Variants in ADAMTSL3 observed in about 807,000 individuals in gnomAD.
The protein encoded by ADAMTSL3 is ADAMTS-like protein 3.
In ADAMTSL3, 128 loss-of-function variants were observed where a neutral mutation model predicts 201.7. That is an observed-to-expected ratio of 0.63 (90% CI 0.55 to 0.73). The LOEUF is 0.73. ADAMTSL3 is among the 30% of genes least tolerant of loss of function. The probability of loss-of-function intolerance (pLI) is 0.00; values close to 1 mark genes in which losing one functional copy is unlikely to be tolerated. For missense variants in ADAMTSL3, 1,990 were observed against 2,119.6 expected (o/e 0.94, Z 1.20); for synonymous variants, 738 against 748.4 (o/e 0.99, Z 0.23).
intron 9 of ADAMTSL3, among the ~76,000 whole-genome samples, chr15:83,871,608 T>C (rs2065081984): frequency 6.6e-6 from 1 of 152,198 alleles, no homozygotes; most frequent in African/African-American, 2.4e-5. Flanking sequence ...CTATGACAGA[T>C]ACTTGTCACA....
chr15:83,888,220 A>G (rs2065435327), intron 10 of ADAMTSL3, among the ~76,000 whole-genome samples: 1 of 152,244 alleles, frequency 6.6e-6, no homozygotes, highest in African/African-American at 2.4e-5. Context: ...TTTTCTATAC[A>G]CTGGCAGAAT....
intron 17 of ADAMTSL3, among the ~76,000 whole-genome samples, chr15:83,933,450 C>T (rs1231458007): frequency 1.3e-5 from 2 of 152,130 alleles, no homozygotes; most frequent in Non-Finnish European, 2.9e-5. Context: ...TAGTTTTATG[C>T]ATTCACAAAG....
Position 83,819,951 on chromosome 15 carries a change from A to AGGACAAAACTT in ADAMTSL3, c.507_517dup (p.Val173AspfsTer79). On this transcript the variant is annotated frameshift_variant, in exon 6 of 30. Transcript: ENST00000286744. LOFTEE classifies it high-confidence loss of function. ...CGTGTGCACTCAAGTGTCATGCACA[A>AGGACAAAACTT]GGACAAAACTTGGTGGTGGAGCTGG... 1 of 1,614,162 alleles carries AGGACAAAACTT rather than the reference A, an allele frequency of 6.2e-7. No individual in the cohort carries two copies. The highest frequency in any genetic ancestry group is 8.5e-7 in the Non-Finnish European group (1 of 1,180,032).
chr15:83,823,019 C>T (rs2063918504), intron 6 of ADAMTSL3, among the ~76,000 whole-genome samples: 1 of 151,946 alleles, frequency 6.6e-6, no homozygotes, highest in African/African-American at 2.4e-5. Flanking sequence ...ACAGCGAAAC[C>T]CCGTCTCCAC....
chr15:83,900,071 T>C (rs538245837), intron 15 of ADAMTSL3, among the ~76,000 whole-genome samples: 1 of 152,308 alleles, frequency 6.6e-6, no homozygotes, highest in African/African-American at 2.4e-5. Flanking sequence ...AACCAGTCAT[T>C]CCATGGGTAA....
intron 4 of ADAMTSL3, among the ~76,000 whole-genome samples, chr15:83,801,494 G>T (rs1267795789): frequency 6.6e-6 from 1 of 151,016 alleles, no homozygotes; most frequent in African/African-American, 2.4e-5. Flanking sequence ...AGGAAAAAGA[G>T]TGGAAGTTAA....
intron 6 of ADAMTSL3, among the ~76,000 whole-genome samples, chr15:83,825,123 C>G (rs2063993543): frequency 6.6e-6 from 1 of 152,138 alleles, no homozygotes; most frequent in South Asian, 2.1e-4. Flanking sequence ...AGACTTTTGA[C>G]AAAAGGTCAA....
chr15:83,922,077 A>C (rs1208103217), intron 16 of ADAMTSL3, among the ~76,000 whole-genome samples: 2 of 152,230 alleles, frequency 1.3e-5, no homozygotes, highest in African/African-American at 4.8e-5. Context: ...TATTACCTAA[A>C]TTTTGTTATA....
In ADAMTSL3 at chr15:84,036,859, G is replaced by A; in HGVS notation, c.4841G>A (p.Gly1614Asp). The change falls in exon 29 of 30, where the codon GGC (glycine) becomes GAC (aspartate). Residue 1614 changes from glycine to aspartate, a missense_variant. Coordinates refer to ENST00000286744, the MANE Select transcript of ADAMTSL3 (RefSeq NM_207517.3). ...TGGAAGCCCTGTACAGCAGCCTGTG[G>A]CAGGGGTTTCCAGTCTCGGAAAGTC... ...GPWKPCTAAC[G>D]RGFQSRKVDC... 1 of 1,614,138 alleles carries A rather than the reference G, an allele frequency of 6.2e-7. No individual in the cohort carries two copies. The highest frequency in any genetic ancestry group is 1.1e-5 in the South Asian group (1 of 91,072).
rs983878630 is a variant in ADAMTSL3, at chr15:83,657,770, C to T, written c.69+1940C>T. Among the ~76,000 whole-genome samples, 28 of 152,134 alleles carry T rather than the reference C, an allele frequency of 1.8e-4. 1 individual carries two copies. Among genetic ancestry groups the T allele is most frequent in the Admixed American group, 8.5e-4 (13 of 15,278 alleles). The stretch of plus-strand genomic sequence containing the variant: ...CTCAAGAGGTATCAGCTGTGGAGGG[C>T]CTGATCTTCAGGGAGTGTGGGTGGG... On this transcript the variant is annotated intron_variant, in intron 2 of 29. Coordinates refer to ENST00000286744, the MANE Select transcript of ADAMTSL3 (RefSeq NM_207517.3).
intron 23 of ADAMTSL3, among the ~76,000 whole-genome samples, chr15:83,994,017 G>A (rs2067631452): frequency 6.6e-6 from 1 of 152,154 alleles, no homozygotes; most frequent in Admixed American, 6.5e-5. Context: ...AAAGTGTTTT[G>A]TTGTGTGTCA....
intron 5 of ADAMTSL3, among the ~76,000 whole-genome samples, chr15:83,806,978 A>C (rs1398925171): frequency 6.6e-6 from 1 of 152,242 alleles, no homozygotes; most frequent in Non-Finnish European, 1.5e-5. Context: ...AACTTACAAA[A>C]TGCCAGAAAA....
At chr15:83,751,218 T>A (rs1695949149) in intron 3 of ADAMTSL3, among the ~76,000 whole-genome samples, 1 of 152,198 alleles carries the variant, frequency 6.6e-6, no homozygotes, top group African/African-American at 2.4e-5. Context: ...AAGTTAACAA[T>A]GTGAGGATGA....
chr15:84,001,828 G>A (rs1312147925), intron 23 of ADAMTSL3, among the ~76,000 whole-genome samples: 2 of 152,166 alleles, frequency 1.3e-5, no homozygotes, highest in African/African-American at 4.8e-5. Flanking sequence ...CAGGCCAAAG[G>A]TTGGCCCATT....
In ADAMTSL3 at chr15:83,661,544, A is replaced by G. The variant is rs975129215; in HGVS notation, c.69+5714A>G. On this transcript the variant is annotated intron_variant, in intron 2 of 29. Coordinates refer to ENST00000286744, the MANE Select transcript of ADAMTSL3 (RefSeq NM_207517.3). ...TAGGTATTTTATTCTCTTTGAAGCA[A>G]TTGTGAACGGGAGTTCACTCATGAT... Among the ~76,000 whole-genome samples the G allele has an allele frequency of 2.9e-4, 44 of 152,196 alleles. No homozygotes were observed. The Middle Eastern group carries it at 0.014, about 47-fold the overall frequency.
At chr15:83,716,130 C>G (rs989798323) in intron 3 of ADAMTSL3, among the ~76,000 whole-genome samples, 5 of 152,160 alleles carry the variant, frequency 3.3e-5, no homozygotes, top group African/African-American at 9.7e-5. Flanking sequence ...CATGGAATAG[C>G]TAGATCTACT....
rs138691329 is a variant in ADAMTSL3, at chr15:83,743,816, A to G, written c.190-29707A>G. 3.3e-4 allele frequency among the ~76,000 whole-genome samples: 51 copies of G among 152,312 alleles called. No homozygotes were observed. In the East Asian group the frequency reaches 7.7e-3, roughly 23 times the overall value. ...AGTGTAATAATGGATGTTTATACCA[A>G]TAATGGAGTCAACAAGAAAAGATTT... On this transcript the variant is annotated intron_variant, in intron 3 of 29. Transcript: ENST00000286744.
chr15:83,725,536 G>T (rs539281798), intron 3 of ADAMTSL3, among the ~76,000 whole-genome samples: 1 of 152,104 alleles, frequency 6.6e-6, no homozygotes, highest in Non-Finnish European at 1.5e-5. Flanking sequence ...TGAGGTCTTA[G>T]ACTTAAGAAT....
At chr15:83,853,167 T>A (rs1351802677) in intron 7 of ADAMTSL3, among the ~76,000 whole-genome samples, 2 of 152,214 alleles carry the variant, frequency 1.3e-5, no homozygotes, top group Non-Finnish European at 2.9e-5. Flanking sequence ...TTGTGCCCAT[T>A]TTTTAAAAGT....
Sources: gnomAD v4.1 joint callset for allele counts (sites outside exome capture counted in the v4.1 genomes callset) on GRCh38, gnomAD v4.1.1 for gene constraint, MANE v1.5 for transcripts, NCBI Gene and HGNC (gene_info 2026-07-23, HGNC 2026-07-21) for gene names.